Variants in NKAIN2 observed in about 807,000 individuals in gnomAD.
The protein encoded by NKAIN2 is sodium/potassium-transporting ATPase subunit beta-1-interacting protein 2.
In NKAIN2, 14 loss-of-function variants were observed where a neutral mutation model predicts 32.6. The ratio of observed to expected loss-of-function variants is 0.43; its 90% CI spans 0.28 to 0.67. The LOEUF (loss-of-function observed/expected upper bound fraction) is 0.67, where lower values mean the gene tolerates loss of function less well. NKAIN2 is among the 30% of genes least tolerant of loss of function. NKAIN2 has a pLI of 0.17. For missense variants in NKAIN2, 198 were observed against 258.3 expected (o/e 0.77, Z 1.60); for synonymous variants, 80 against 87.2 (o/e 0.92, Z 0.46).
At chr6:124,533,610 A>T (rs1253311437) in intron 3 of NKAIN2, among the ~76,000 whole-genome samples, 7 of 151,768 alleles carry the variant, frequency 4.6e-5, no homozygotes, top group African/African-American at 1.7e-4. Flanking sequence ...CTGCAAGTGG[A>T]TCTAATAAGA....
chr6:123,825,062 T>G (rs1249081953), intron 1 of NKAIN2, among the ~76,000 whole-genome samples: 1 of 152,144 alleles, frequency 6.6e-6, no homozygotes, highest in Non-Finnish European at 1.5e-5. Flanking sequence ...AAAGCCTGAT[T>G]TCTAGTTCAT....
At chr6:124,663,043 A>T (rs1343961185) in intron 4 of NKAIN2, among the ~76,000 whole-genome samples, 1 of 152,156 alleles carries the variant, frequency 6.6e-6, no homozygotes, top group Non-Finnish European at 1.5e-5. Flanking sequence ...TGTTACATTT[A>T]TTTGAATTAA....
At chr6:124,037,225 G>A (rs1781641784) in intron 1 of NKAIN2, among the ~76,000 whole-genome samples, 1 of 152,066 alleles carries the variant, frequency 6.6e-6, no homozygotes. Flanking sequence ...AATACAACAT[G>A]AAATAAGTAG....
intron 3 of NKAIN2, among the ~76,000 whole-genome samples, chr6:124,533,914 T>C (rs1779620852): frequency 6.6e-6 from 1 of 152,058 alleles, no homozygotes; most frequent in African/African-American, 2.4e-5. Context: ...ACTGAGAGGC[T>C]CTCTGGAGTC....
intron 1 of NKAIN2, among the ~76,000 whole-genome samples, chr6:124,018,263 C>T (rs1413039196): frequency 6.6e-6 from 1 of 152,142 alleles, no homozygotes; most frequent in Non-Finnish European, 1.5e-5. Context: ...GTTACTGAGA[C>T]CAGCCCAAGA....
rs1792059453 is a variant in NKAIN2 at position 124,225,544 on chromosome 6, A to G, written c.55-57461A>G. The stretch of plus-strand genomic sequence containing the variant: ...TGACTTAAGGATTGGAAAGTACATT[A>G]CATCTTCTTATAACTTGTAATTTGG... On this transcript the variant is annotated intron_variant, in intron 1 of 6. Coordinates refer to ENST00000368417, the MANE Select transcript of NKAIN2 (RefSeq NM_001040214.3). Among the ~76,000 whole-genome samples the G allele has an allele frequency of 1.3e-5, 2 of 152,018 alleles. 1 individual carries two copies. The highest frequency in any genetic ancestry group is 4.1e-4 in the South Asian group (2 of 4,834).
At chr6:124,528,945 T>C (rs1779418800) in intron 3 of NKAIN2, among the ~76,000 whole-genome samples, 2 of 152,290 alleles carry the variant, frequency 1.3e-5, no homozygotes, top group East Asian at 1.9e-4. Flanking sequence ...GAAACATTTA[T>C]TTAGGAATAA....
rs1211019905 is a variant in NKAIN2 at position 124,410,644 on chromosome 6, G to A, written c.273+55297G>A. On this transcript the variant is annotated intron_variant, in intron 3 of 6. Coordinates refer to ENST00000368417, the MANE Select transcript of NKAIN2 (RefSeq NM_001040214.3). ...TGTGGTCAATTTTGGAATACATGTG[G>A]TGTGGTGCTGAAAAGAATGTATATT... 3.3e-5 allele frequency among the ~76,000 whole-genome samples: 5 copies of A among 152,140 alleles called. No homozygotes were observed. In the East Asian group the frequency reaches 7.7e-4, roughly 23 times the overall value.
intron 3 of NKAIN2, among the ~76,000 whole-genome samples, chr6:124,358,992 G>A (rs9401739): frequency 0.13 from 18,614 of 148,704 alleles, 1,190 homozygotes; most frequent in African/African-American, 0.17. Context: ...TCTCCATATG[G>A]CTAGCCAGTT....
At chr6:124,256,310 A>T (rs2114825372) in intron 1 of NKAIN2, among the ~76,000 whole-genome samples, 1 of 152,306 alleles carries the variant, frequency 6.6e-6, no homozygotes, top group East Asian at 1.9e-4. Flanking sequence ...GTGAAAAATA[A>T]GATAGTTAAG....
intron 4 of NKAIN2, among the ~76,000 whole-genome samples, chr6:124,704,927 T>G (rs1774978294): frequency 6.6e-6 from 1 of 151,930 alleles, no homozygotes. Flanking sequence ...AATGGAAAAA[T>G]GGAAACTTTC....
At chr6:124,624,834 C>A (rs1469401260) in intron 3 of NKAIN2, among the ~76,000 whole-genome samples, 1 of 151,988 alleles carries the variant, frequency 6.6e-6, no homozygotes, top group South Asian at 2.1e-4. Context: ...TGAAAAATAT[C>A]GCTTGAGCAA....
At chr6:124,068,958 T>G (rs1178789853) in intron 1 of NKAIN2, among the ~76,000 whole-genome samples, 1 of 152,084 alleles carries the variant, frequency 6.6e-6, no homozygotes, top group Admixed American at 6.6e-5. Context: ...CCTTAGCTGA[T>G]TGGTCAGGTT....
intron 1 of NKAIN2, among the ~76,000 whole-genome samples, chr6:124,170,201 C>A (rs1788774755): frequency 6.6e-6 from 1 of 152,122 alleles, no homozygotes; most frequent in Non-Finnish European, 1.5e-5. Context: ...ATTTTGTACT[C>A]CTCTTTGCAC....
At chr6:123,859,378 A>G (rs1775691030) in intron 1 of NKAIN2, among the ~76,000 whole-genome samples, 1 of 152,090 alleles carries the variant, frequency 6.6e-6, no homozygotes, top group Non-Finnish European at 1.5e-5. Context: ...GATAACAGTC[A>G]TATTGCAATG....
chr6:123,808,836 T>A (rs2114856835), intron 1 of NKAIN2, among the ~76,000 whole-genome samples: 1 of 152,346 alleles, frequency 6.6e-6, no homozygotes, highest in Admixed American at 6.5e-5. Flanking sequence ...CAGTCAGGAA[T>A]TTCAGAGTGG....
At chr6:124,476,061 AGAGAGTGT>A (rs745445831) in intron 3 of NKAIN2, among the ~76,000 whole-genome samples, 82 of 85,692 alleles carry the variant, frequency 9.6e-4, no homozygotes, top group Admixed American at 2.1e-3. Context: ...AGAGAGAGAG[AGAGAGTGT>A]GTGTGTGTGT....
At chr6:124,394,499 A>ATAGATAGG (rs1773285566) in intron 3 of NKAIN2, among the ~76,000 whole-genome samples, 2 of 145,562 alleles carry the variant, frequency 1.4e-5, no homozygotes, top group Admixed American at 1.3e-4. Context: ...AGATAGATAG[A>ATAGATAGG]TAGATAGATT....
intron 3 of NKAIN2, among the ~76,000 whole-genome samples, chr6:124,562,893 A>T (rs1025527949): frequency 6.2e-5 from 9 of 145,608 alleles, no homozygotes; most frequent in Non-Finnish European, 1.1e-4. Context: ...AAATGTTAGT[A>T]TTTTTTGTTT....
Sources: allele counts gnomAD v4.1 joint callset (sites outside exome capture counted in the v4.1 genomes callset), GRCh38; gene constraint gnomAD v4.1.1; transcripts MANE v1.5; gene names NCBI Gene and HGNC (gene_info 2026-07-23, HGNC 2026-07-21).